The following CPO variants were observed in gnomAD, a reference collection of about 807,000 sequenced individuals.
CPO encodes the protein metallocarboxypeptidase C.
A neutral mutation model predicts 41.2 loss-of-function variants in CPO; 43 were observed. That is an observed-to-expected ratio of 1.04 (90% CI 0.82 to 1.35). The LOEUF is 1.35. Among genes scored for constraint, CPO ranks in the 40% most tolerant of loss-of-function variants. The pLI, the probability that CPO is intolerant of heterozygous loss-of-function variation, is 0.00. For synonymous variants in CPO, 178 were observed against 162.7 expected, an observed-to-expected ratio of 1.09 and a Z score of -0.72; for missense variants, 408 against 451.7, an observed-to-expected ratio of 0.90 and a Z score of 0.88.
At chr2:206,947,633 A>G (rs67864253) in intron 1 of CPO, among the ~76,000 whole-genome samples, 29,923 of 152,114 alleles carry the variant, frequency 0.2, 3,215 homozygotes, top group Non-Finnish European at 0.24. Context: ...CTGACAGAGT[A>G]TATTTTCAAA....
At chr2:206,948,742 C>G (rs759965627) in intron 1 of CPO, among the ~76,000 whole-genome samples, 1 of 152,164 alleles carries the variant, frequency 6.6e-6, no homozygotes, top group Non-Finnish European at 1.5e-5. Flanking sequence ...GTTTGGGTGA[C>G]AAAGTAAGAC....
intron 1 of CPO, among the ~76,000 whole-genome samples, chr2:206,942,377 C>G (rs1693046151): frequency 6.6e-6 from 1 of 151,766 alleles, no homozygotes; most frequent in Non-Finnish European, 1.5e-5. Flanking sequence ...CCTTTTTTAC[C>G]TCTCCATACC....
At chr2:206,947,869 GAAGAT>G (rs1693175569) in intron 1 of CPO, among the ~76,000 whole-genome samples, 1 of 152,102 alleles carries the variant, frequency 6.6e-6, no homozygotes, top group Non-Finnish European at 1.5e-5. Context: ...AATAAAACAA[GAAGAT>G]AATATACTTC....
chr2:206,964,114 TGGTTA>T (rs1693528454), intron 7 of CPO, among the ~76,000 whole-genome samples: 1 of 152,184 alleles, frequency 6.6e-6, no homozygotes, highest in Non-Finnish European at 1.5e-5. Flanking sequence ...GATGACCTAT[TGGTTA>T]GGTTATACCT....
chr2:206,950,784 A>G (rs1412789509), intron 2 of CPO, among the ~76,000 whole-genome samples: 2 of 152,302 alleles, frequency 1.3e-5, no homozygotes, highest in East Asian at 3.9e-4. Flanking sequence ...AGGGACATGG[A>G]TGAAGCTGGA....
chr2:206,958,212 T>C, intron 3 of CPO, 89 bp from the exon 4 acceptor site: 3 of 683,520 alleles, frequency 4.4e-6, no homozygotes, highest in Non-Finnish European at 7.4e-6. Context: ...AAAAGGAACC[T>C]CTAGGGGAAT....
At chr2:206,960,979 A>G (rs781436542) in intron 6 of CPO, 37 bp downstream of exon 6, 8 of 1,351,460 alleles carry the variant, frequency 5.9e-6, no homozygotes, top group Non-Finnish European at 8.5e-6. Flanking sequence ...ATGAACAAAT[A>G]AAGCTGAGAA....
At chr2:206,964,507 C>A (rs1295812561) in intron 7 of CPO, among the ~76,000 whole-genome samples, 1 of 152,146 alleles carries the variant, frequency 6.6e-6, no homozygotes, top group Non-Finnish European at 1.5e-5. Flanking sequence ...CAGGCTAGAA[C>A]TCATGTCTTT....
intron 1 of CPO, among the ~76,000 whole-genome samples, chr2:206,948,658 A>G (rs1371529386): frequency 2.0e-5 from 3 of 152,162 alleles, no homozygotes; most frequent in African/African-American, 7.2e-5. Context: ...ATTAATTGAG[A>G]GGCTGAAGTA....
chr2:206,944,609 A>T lies in CPO; in HGVS notation c.68+4942A>T, dbSNP rs577589392. Among the ~76,000 whole-genome samples, 100 of 152,140 alleles carry T rather than the reference A, an allele frequency of 6.6e-4. 1 individual carries two copies. The South Asian group carries it at 0.02, about 30-fold the overall frequency. ...ATTTGGACAATTCTATCTCATGAAG[A>T]CACTGAGATTGTCTTTTCATTTGGA... On this transcript the variant is annotated intron_variant, in intron 1 of 8. Coordinates refer to ENST00000272852, the MANE Select transcript of CPO (RefSeq NM_173077.3).
chr2:206,949,570 A>T lies in CPO; in HGVS notation c.69-47A>T, dbSNP rs777933880. The stretch of plus-strand genomic sequence containing the variant: ...TCAACAACCCGCCAACCCTCAGGAT[A>T]TCCCAGTTTCACCACTGCTTTTCCT... On this transcript the variant is annotated intron_variant, in intron 1 of 8. Coordinates refer to ENST00000272852, the MANE Select transcript of CPO (RefSeq NM_173077.3). 126 of 1,375,858 alleles carry T rather than the reference A, an allele frequency of 9.2e-5. 1 individual carries two copies. The highest frequency in any genetic ancestry group is 1.7e-4 in the Admixed American group (10 of 59,496). The allele number at this position is 1,375,858 out of a possible 1,614,324, so 85.2% of individuals were successfully genotyped here.
intron 2 of CPO, among the ~76,000 whole-genome samples, chr2:206,952,464 T>C (rs1410032794): frequency 1.3e-5 from 2 of 152,216 alleles, no homozygotes; most frequent in Non-Finnish European, 2.9e-5. Context: ...ACATCAACTA[T>C]ATAGAAATTG....
At chr2:206,957,380 A>G (rs1693388960) in intron 3 of CPO, among the ~76,000 whole-genome samples, 1 of 152,014 alleles carries the variant, frequency 6.6e-6, no homozygotes, top group African/African-American at 2.4e-5. Flanking sequence ...TGTCTCAAAA[A>G]AAAAAAAAAA....
intron 1 of CPO, among the ~76,000 whole-genome samples, chr2:206,941,408 T>A (rs1399505026): frequency 6.6e-6 from 1 of 152,086 alleles, no homozygotes; most frequent in African/African-American, 2.4e-5. Flanking sequence ...AATAAAAATA[T>A]GTACTAAAAT....
At chr2:206,945,571 A>T (rs1208603550) in intron 1 of CPO, among the ~76,000 whole-genome samples, 1 of 152,198 alleles carries the variant, frequency 6.6e-6, no homozygotes, top group Non-Finnish European at 1.5e-5. Context: ...TCTTGGTCTC[A>T]GTTTCCTCAT....
At chr2:206,962,368 AC>A in intron 6 of CPO, 43 bp from the exon 7 acceptor site, 2 of 1,574,224 alleles carry the variant, frequency 1.3e-6, no homozygotes, top group Non-Finnish European at 1.7e-6. Context: ...TCATTTCCAA[AC>A]TGAGATCATG....
chr2:206,958,287 G>T lies in CPO; in HGVS notation c.268-14G>T. 2.1e-6 allele frequency: 3 copies of T among 1,445,996 alleles called. No individual in the cohort carries two copies. The highest frequency in any genetic ancestry group is 2.4e-5 in the East Asian group (1 of 42,410). 89.6% of individuals were successfully genotyped at this position (1,445,996 alleles called of 1,614,324 possible). On this transcript the variant is annotated splice_polypyrimidine_tract_variant and intron_variant, in intron 3 of 8. Coordinates refer to ENST00000272852, the MANE Select transcript of CPO (RefSeq NM_173077.3). ...AGCAATTGTTTAGTAATGGGGCATG[G>T]ATATCTTCTCCAGATCAGCCAACCA...
At chr2:206,941,083 C>A (rs903240751) in intron 1 of CPO, among the ~76,000 whole-genome samples, 11 of 151,940 alleles carry the variant, frequency 7.2e-5, no homozygotes, top group African/African-American at 2.7e-4. Flanking sequence ...ATATCAAGAG[C>A]CTTAAAACAT....
intron 2 of CPO, among the ~76,000 whole-genome samples, chr2:206,950,914 CG>C (rs1244580898): frequency 9.8e-6 from 1 of 102,162 alleles, no homozygotes; most frequent in Non-Finnish European, 1.9e-5. Flanking sequence ...CATCACACAC[CG>C]GGGCCAGTTG....
Sources: gnomAD v4.1 joint callset for allele counts (sites outside exome capture counted in the v4.1 genomes callset) on GRCh38, gnomAD v4.1.1 for gene constraint, MANE v1.5 for transcripts, NCBI Gene and HGNC (gene_info 2026-07-23, HGNC 2026-07-21) for gene names.